Variants in SOX5 observed in about 807,000 individuals in gnomAD.
SOX5 encodes the protein SRY-box transcription factor 5.
A neutral mutation model predicts 92.0 loss-of-function variants in SOX5; 9 were observed. The ratio of observed to expected loss-of-function variants is 0.10; its 90% CI spans 0.06 to 0.17. The LOEUF (loss-of-function observed/expected upper bound fraction) is 0.17. Among genes scored for constraint, SOX5 ranks in the 10% least tolerant of loss-of-function variants. The pLI, the probability that SOX5 is intolerant of heterozygous loss-of-function variation, is 1.00. For missense variants in SOX5, 642 were observed against 944.5 expected (o/e 0.68, Z 4.20); for synonymous variants, 344 against 336.3 (o/e 1.02, Z -0.25).
chr12:23,662,849 T>C (rs1267572285), intron 7 of SOX5, among the ~76,000 whole-genome samples: 3 of 152,232 alleles, frequency 2.0e-5, no homozygotes, highest in African/African-American at 7.2e-5. Context: ...TATCTGTATT[T>C]TTTATAACAA....
intron 1 of SOX5, among the ~76,000 whole-genome samples, chr12:24,522,637 T>C (rs1453352331): frequency 1.3e-5 from 2 of 152,104 alleles, no homozygotes; most frequent in Admixed American, 6.5e-5. Flanking sequence ...AACAAATTAA[T>C]GTGATACACA....
chr12:24,514,560 C>T (rs528079217), intron 1 of SOX5, among the ~76,000 whole-genome samples: 39 of 152,170 alleles, frequency 2.6e-4, no homozygotes, highest in Non-Finnish European at 5.3e-4. Flanking sequence ...TGGGTATATA[C>T]CCAAAGCAGT....
chr12:23,835,429 T>A (rs945249435), intron 3 of SOX5, among the ~76,000 whole-genome samples: 1 of 151,672 alleles, frequency 6.6e-6, no homozygotes, highest in Non-Finnish European at 1.5e-5. Flanking sequence ...GAGAATGGAG[T>A]CCTAAAATGT....
intron 2 of SOX5, among the ~76,000 whole-genome samples, chr12:24,308,678 C>A (rs958273707): frequency 2.0e-5 from 3 of 152,188 alleles, no homozygotes; most frequent in Admixed American, 2.0e-4. Flanking sequence ...CAAATGCAGA[C>A]TGACTATGGT....
intron 10 of SOX5, among the ~76,000 whole-genome samples, chr12:23,564,810 T>C (rs1946793703): frequency 6.6e-6 from 1 of 152,244 alleles, no homozygotes; most frequent in African/African-American, 2.4e-5. Context: ...TTACACATCC[T>C]TGTTGTATTG....
chr12:24,436,961 T>A (rs1355909998), intron 1 of SOX5, among the ~76,000 whole-genome samples: 1 of 152,156 alleles, frequency 6.6e-6, no homozygotes, highest in Non-Finnish European at 1.5e-5. Flanking sequence ...GGACAGCACA[T>A]CTTTTTACAA....
chr12:23,870,301 A>G (rs972681071), intron 2 of SOX5, among the ~76,000 whole-genome samples: 8 of 152,180 alleles, frequency 5.3e-5, no homozygotes, highest in African/African-American at 1.7e-4. Flanking sequence ...TTAACACAGT[A>G]TTGAGAAACC....
chr12:24,166,122 T>C (rs1282966300), intron 4 of SOX5, among the ~76,000 whole-genome samples: 1 of 152,060 alleles, frequency 6.6e-6, no homozygotes, highest in Non-Finnish European at 1.5e-5. Flanking sequence ...AAGAATACGA[T>C]GACACTGGAT....
At chr12:23,668,433 A>G (rs1434996936) in intron 6 of SOX5, among the ~76,000 whole-genome samples, 1 of 152,120 alleles carries the variant, frequency 6.6e-6, no homozygotes, top group Non-Finnish European at 1.5e-5. Flanking sequence ...ATCTTGATGG[A>G]TTTTCACTGC....
intron 6 of SOX5, among the ~76,000 whole-genome samples, chr12:23,698,542 C>A (rs912569805): frequency 6.6e-6 from 1 of 152,168 alleles, no homozygotes; most frequent in Non-Finnish European, 1.5e-5. Context: ...AGCTTCCAAT[C>A]ATCTCCTTAT....
intron 6 of SOX5, among the ~76,000 whole-genome samples, chr12:23,704,187 A>G (rs1326790912): frequency 6.6e-6 from 1 of 151,812 alleles, no homozygotes; most frequent in African/African-American, 2.4e-5. Context: ...GTGTGTGTGT[A>G]AAGTTTTTAT....
At chr12:24,174,267 G>A (rs573817597) in intron 4 of SOX5, among the ~76,000 whole-genome samples, 3 of 152,164 alleles carry the variant, frequency 2.0e-5, no homozygotes, top group East Asian at 3.9e-4. Context: ...TCAAAGTGCC[G>A]GGATTACAGG....
At chr12:23,932,188 CT>C (rs748496417) in intron 1 of SOX5, among the ~76,000 whole-genome samples, 10 of 151,500 alleles carry the variant, frequency 6.6e-5, no homozygotes, top group Non-Finnish European at 1.3e-4. Flanking sequence ...CTTAAGAGCC[CT>C]GTATCTAACC....
chr12:23,830,667 A>ATT (rs1378291580), intron 3 of SOX5, among the ~76,000 whole-genome samples: 4 of 152,140 alleles, frequency 2.6e-5, no homozygotes, highest in Admixed American at 2.0e-4. Context: ...ACAAGAGTGA[A>ATT]TTTCGAAGTG....
At chr12:23,621,908 A>C (rs1020138447) in intron 8 of SOX5, among the ~76,000 whole-genome samples, 9 of 152,044 alleles carry the variant, frequency 5.9e-5, no homozygotes, top group African/African-American at 1.7e-4. Context: ...CTTCTTTTTC[A>C]TATTCAGATG....
chr12:24,103,576 G>A (rs180874358), intron 4 of SOX5, among the ~76,000 whole-genome samples: 3 of 152,018 alleles, frequency 2.0e-5, no homozygotes, highest in Admixed American at 6.6e-5. Flanking sequence ...GGCTTGTCTT[G>A]AACTCTTGGC....
chr12:23,781,261 A>ATT (rs764095741), intron 3 of SOX5, among the ~76,000 whole-genome samples: 2 of 145,112 alleles, frequency 1.4e-5, no homozygotes, highest in African/African-American at 5.0e-5. Flanking sequence ...CCATGGAGGA[A>ATT]TTTTTTTTTT....
chr12:24,256,650 G>C (rs997961071), intron 3 of SOX5, among the ~76,000 whole-genome samples: 2 of 131,984 alleles, frequency 1.5e-5, no homozygotes, highest in East Asian at 2.7e-4. Context: ...GGGAGTGAGA[G>C]AGAAGAGGGG....
At chr12:23,803,250 C>G (rs949086058) in intron 3 of SOX5, among the ~76,000 whole-genome samples, 3 of 152,154 alleles carry the variant, frequency 2.0e-5, no homozygotes, top group Non-Finnish European at 2.9e-5. Context: ...GTATGGCCCA[C>G]TGTTACCTCA....
Sources: allele counts gnomAD v4.1 joint callset (sites outside exome capture counted in the v4.1 genomes callset), GRCh38; gene constraint gnomAD v4.1.1; transcripts MANE v1.5; gene names NCBI Gene and HGNC (gene_info 2026-07-23, HGNC 2026-07-21).